NFYA: variants seen among roughly 807,000 people sequenced by gnomAD.
The protein encoded by NFYA is nuclear transcription factor Y subunit alpha.
Under a neutral mutation model 52.8 loss-of-function variants are expected in NFYA, and 28 were observed. The ratio of observed to expected loss-of-function variants is 0.53; its 90% CI spans 0.39 to 0.73. NFYA has a LOEUF of 0.73. Ranked by LOEUF, NFYA falls within the 30% of genes least tolerant of loss-of-function variation. NFYA has a pLI of 0.00. For missense variants in NFYA, 234 were observed against 427.0 expected, an observed-to-expected ratio of 0.55 and a Z score of 3.98; for synonymous variants, 150 against 150.7, an observed-to-expected ratio of 1.00 and a Z score of 0.03.
chr6:41,090,123 ATT>A, intron 5 of NFYA, 79 bp from the exon 6 acceptor site: 4 of 814,544 alleles, frequency 4.9e-6, no homozygotes, highest in South Asian at 1.7e-5. Flanking sequence ...CAAAAAAATA[ATT>A]TTTTTTTTTA....
At chr6:41,087,741 T>C (rs1407281325) in intron 4 of NFYA, among the ~76,000 whole-genome samples, 2 of 152,206 alleles carry the variant, frequency 1.3e-5, no homozygotes, top group Non-Finnish European at 2.9e-5. Flanking sequence ...TCACTAGTTA[T>C]ATGAAAATAG....
chr6:41,084,683 C>T (rs1763994004), intron 4 of NFYA, among the ~76,000 whole-genome samples: 1 of 152,194 alleles, frequency 6.6e-6, no homozygotes, highest in Non-Finnish European at 1.5e-5. Context: ...TAAAGGAAGG[C>T]CAGGCGCAGT....
chr6:41,078,987 T>C (rs1010028999), intron 1 of NFYA, 42 bp from the exon 2 acceptor site: 1 of 960,612 alleles, frequency 1.0e-6, no homozygotes, highest in Non-Finnish European at 1.6e-6. Context: ...AAGGCCTTTA[T>C]TGACAATCTC....
intron 9 of NFYA, among the ~76,000 whole-genome samples, chr6:41,094,977 C>A (rs1161201497): frequency 6.6e-6 from 1 of 152,134 alleles, no homozygotes; most frequent in East Asian, 1.9e-4. Flanking sequence ...TGAATGTTTA[C>A]TTTTTTCCCT....
intron 1 of NFYA, among the ~76,000 whole-genome samples, chr6:41,077,291 C>G (rs563267064): frequency 6.6e-6 from 1 of 152,030 alleles, no homozygotes; most frequent in Admixed American, 6.5e-5. Context: ...TGAGTTTTGA[C>G]AAATTTGTAC....
intron 3 of NFYA, among the ~76,000 whole-genome samples, chr6:41,081,561 A>G (rs1763905970): frequency 6.6e-6 from 1 of 152,138 alleles, no homozygotes; most frequent in Non-Finnish European, 1.5e-5. Context: ...AATTTTGTGT[A>G]TTTGTGTTAC....
chr6:41,093,004 C>G lies in NFYA; in HGVS notation c.807C>G (p.Ala269=). The change falls in exon 8 of 10, where the codon GCC becomes GCG. Residue 269 remains alanine (A), a synonymous_variant. Coordinates refer to ENST00000341376, the MANE Select transcript of NFYA (RefSeq NM_002505.5). The part of the protein sequence containing the change: ...MLEEEPLYVN[A]KQYHRILKRR... ...AAGAAGAGCCTCTCTACGTGAATGCCAAACAATACCACCGTATTCTTAAGA... is the reference window on the plus strand; with the variant it reads ...AAGAAGAGCCTCTCTACGTGAATGCGAAACAATACCACCGTATTCTTAAGA... The G allele has an allele frequency of 6.2e-7, 1 of 1,614,080 alleles. No homozygotes were observed. Among genetic ancestry groups the G allele is most frequent in the Non-Finnish European group, 8.5e-7 (1 of 1,180,000 alleles).
At chr6:41,077,447 T>C (rs1034876509) in intron 1 of NFYA, among the ~76,000 whole-genome samples, 3 of 152,228 alleles carry the variant, frequency 2.0e-5, no homozygotes, top group Admixed American at 1.3e-4. Context: ...TTTCTGTCTC[T>C]AGATTACTGA....
chr6:41,082,400 A>G (rs1254527284), intron 3 of NFYA, among the ~76,000 whole-genome samples: 1 of 152,252 alleles, frequency 6.6e-6, no homozygotes, highest in African/African-American at 2.4e-5. Flanking sequence ...GGAATGTAAC[A>G]TGCTCTTAAC....
chr6:41,093,590 C>T (rs1458723912), intron 8 of NFYA, among the ~76,000 whole-genome samples: 2 of 152,132 alleles, frequency 1.3e-5, no homozygotes, highest in Non-Finnish European at 2.9e-5. Context: ...CCTGCCTCAG[C>T]CTCCTGAGTA....
Position 41,099,715 on chromosome 6 carries a change from GCTT to G in NFYA, c.*2306_*2308del, listed in dbSNP as rs1764449380. 7 of 144,066 alleles carry G rather than the reference GCTT, an allele frequency of 4.9e-5. No individual in the cohort carries two copies. The highest frequency in any genetic ancestry group is 4.8e-4 in the Admixed American group (7 of 14,504). The allele number at this position is 144,066 out of a possible 1,614,324, so 8.9% of individuals were successfully genotyped here. A position where few individuals can be genotyped will look rare whatever the true frequency, so the allele number is the denominator to read the frequency against. On this transcript the variant is annotated 3_prime_UTR_variant, in exon 10 of 10. Transcript: ENST00000341376. Reference sequence around the variant, plus strand: ...TAATGCCTAGTTATGCAACTTGAGTGCTTTTTTTTTTTTTTGCAGGATAATTTT... The same window carrying G: ...TAATGCCTAGTTATGCAACTTGAGTGTTTTTTTTTTTTGCAGGATAATTTT...
chr6:41,083,992 A>C, intron 3 of NFYA, 54 bp from the exon 4 acceptor site: 1 of 1,504,174 alleles, frequency 6.6e-7, no homozygotes, highest in Non-Finnish European at 8.9e-7. Context: ...TCTTTTGGTA[A>C]AAACCATTTT....
chr6:41,082,940 T>C (rs890038976), intron 3 of NFYA, among the ~76,000 whole-genome samples: 1 of 152,144 alleles, frequency 6.6e-6, no homozygotes, highest in Non-Finnish European at 1.5e-5. Context: ...GTGGCGGCGG[T>C]GGTGGTGGTG....
chr6:41,089,765 A>G, intron 5 of NFYA, 55 bp downstream of exon 5: 1 of 1,585,602 alleles, frequency 6.3e-7, no homozygotes, highest in Non-Finnish European at 8.6e-7. Flanking sequence ...AGAGTCAGAT[A>G]ACTGAGTCAG....
At chr6:41,080,026 C>T (rs566864486) in intron 2 of NFYA, among the ~76,000 whole-genome samples, 1 of 152,274 alleles carries the variant, frequency 6.6e-6, no homozygotes, top group African/African-American at 2.4e-5. Flanking sequence ...CCACAAAGGG[C>T]CCTCCATTCA....
At chr6:41,074,800 C>T (rs897912704) in intron 1 of NFYA, among the ~76,000 whole-genome samples, 38 of 152,154 alleles carry the variant, frequency 2.5e-4, no homozygotes, top group Admixed American at 1.5e-3. Flanking sequence ...AAACGAGTTT[C>T]TGACTTGTTT....
Position 41,095,828 on chromosome 6 carries a change from G to A in NFYA, c.990+1331G>A, listed in dbSNP as rs1181216237. 3.3e-5 allele frequency among the ~76,000 whole-genome samples: 5 copies of A among 152,118 alleles called. No homozygotes were observed. The South Asian group carries it at 6.2e-4, about 19-fold the overall frequency. On this transcript the variant is annotated intron_variant, in intron 9 of 9. Coordinates refer to ENST00000341376, the MANE Select transcript of NFYA (RefSeq NM_002505.5). Reference sequence around the variant, plus strand: ...TGTATAGAGGGTAGAGGATTGTTTCGTTCTCTGTTATATTTATTGGACTTA... The same window carrying A: ...TGTATAGAGGGTAGAGGATTGTTTCATTCTCTGTTATATTTATTGGACTTA...
intron 4 of NFYA, among the ~76,000 whole-genome samples, chr6:41,089,323 A>C (rs1448982025): frequency 6.6e-6 from 1 of 152,162 alleles, no homozygotes; most frequent in Non-Finnish European, 1.5e-5. Flanking sequence ...CAATATATAT[A>C]ATCATACCAC....
chr6:41,089,555 CT>C (rs752090137), intron 4 of NFYA, 23 bp from the exon 5 acceptor site: 6 of 1,590,998 alleles, frequency 3.8e-6, no homozygotes, highest in African/African-American at 2.7e-5. Flanking sequence ...GAGTACAATC[CT>C]TTTTTTATGT....
Sources: gnomAD v4.1 joint callset for allele counts (sites outside exome capture counted in the v4.1 genomes callset) on GRCh38, gnomAD v4.1.1 for gene constraint, MANE v1.5 for transcripts, NCBI Gene and HGNC (gene_info 2026-07-23, HGNC 2026-07-21) for gene names.